Variants in TMX4 observed in about 807,000 individuals in gnomAD.
The protein encoded by TMX4 is thioredoxin-related transmembrane protein 4.
Under a neutral mutation model 33.3 loss-of-function variants are expected in TMX4, and 23 were observed. The observed-to-expected ratio is 0.69, with a 90% CI of 0.50 to 0.98. The LOEUF (loss-of-function observed/expected upper bound fraction) is 0.98, where lower values mean the gene tolerates loss of function less well. TMX4 is among the 50% of genes least tolerant of loss of function. The pLI, the probability that TMX4 is intolerant of heterozygous loss-of-function variation, is 0.00. For missense variants in TMX4, 399 were observed against 448.9 expected, an observed-to-expected ratio of 0.89 and a Z score of 1.01; for synonymous variants, 164 against 161.5, an observed-to-expected ratio of 1.02 and a Z score of -0.12.
At position 7,980,855 on chromosome 20, in the gene TMX4, A is replaced by G. The variant is rs1408430764; in HGVS notation, c.*1396T>C. 2.6e-5 allele frequency: 4 copies of G among 152,222 alleles called. No individual in the cohort carries two copies. Among genetic ancestry groups the G allele is most frequent in the African/African-American group, 9.6e-5 (4 of 41,464 alleles). 9.4% of individuals were successfully genotyped at this position (152,222 alleles called of 1,614,324 possible). A position where few individuals can be genotyped will look rare whatever the true frequency, so the allele number is the denominator to read the frequency against. On this transcript the variant is annotated 3_prime_UTR_variant, in exon 8 of 8. Coordinates refer to ENST00000246024, the MANE Select transcript of TMX4 (RefSeq NM_021156.4). ...ATTAATACAAGGAAAGGGTTATCTAAACAGCCAGATAGAAATATACTGCAC... is the reference window on the plus strand; with the variant it reads ...ATTAATACAAGGAAAGGGTTATCTAGACAGCCAGATAGAAATATACTGCAC...
chr20:7,994,964 C>T (rs1393476887), intron 5 of TMX4, among the ~76,000 whole-genome samples: 1 of 149,516 alleles, frequency 6.7e-6, no homozygotes, highest in Non-Finnish European at 1.5e-5. Context: ...AGACAAATGC[C>T]AAAAAAAGTT....
chr20:8,009,029 A>G (rs747234302), intron 2 of TMX4, among the ~76,000 whole-genome samples: 3 of 152,132 alleles, frequency 2.0e-5, no homozygotes, highest in African/African-American at 7.2e-5. Flanking sequence ...ATTATAGAAA[A>G]TGAATGTCTA....
chr20:7,982,349 C>A lies in TMX4; in HGVS notation c.952G>T (p.Glu318Ter). The stretch of plus-strand genomic sequence containing the variant: ...CAGGGTTGCTCAGAGATGCCTTCTT[C>A]AGCCTCCTCAGGCTCTACTTCCTCC... ...TREEVEPEEA[E>*]EGISEQPCPA... The change falls in exon 8 of 8, where the codon GAA becomes TAA. Residue 318 changes from glutamate (E) to a stop codon, truncating the protein, a stop_gained. Coordinates refer to ENST00000246024, the MANE Select transcript of TMX4 (RefSeq NM_021156.4). LOFTEE classifies it low-confidence loss of function (END_TRUNC). 6.2e-7 allele frequency: 1 copy of A among 1,614,138 alleles called. No individual in the cohort carries two copies. Among genetic ancestry groups the A allele is most frequent in the Non-Finnish European group, 8.5e-7 (1 of 1,180,034 alleles).
Position 7,982,494 on chromosome 20 carries a change from ATCT to A in TMX4, c.804_806del (p.Glu268del), listed in dbSNP as rs1406104408. ...CCTCTGCTTCATCCTCATCGCCAAG[ATCT>A]TCTTTCTCTTCTTCATCATCTACAA... On this transcript the variant is annotated inframe_deletion, in exon 8 of 8. Coordinates refer to ENST00000246024, the MANE Select transcript of TMX4 (RefSeq NM_021156.4). 6.2e-7 allele frequency: 1 copy of A among 1,613,520 alleles called. No homozygotes were observed. The highest frequency in any genetic ancestry group is 8.5e-7 in the Non-Finnish European group (1 of 1,179,844).
At chr20:8,010,343 G>T in intron 1 of TMX4, 28 bp from the exon 2 acceptor site, 12 of 1,423,812 alleles carry the variant, frequency 8.4e-6, no homozygotes, top group South Asian at 2.6e-5. Flanking sequence ...GAATTATATT[G>T]ATAAATATAC....
At chr20:8,002,285 C>T (rs1273078375) in intron 2 of TMX4, among the ~76,000 whole-genome samples, 2 of 152,110 alleles carry the variant, frequency 1.3e-5, no homozygotes, top group African/African-American at 2.4e-5. Context: ...ACTCAAGACA[C>T]ATGGATGAAT....
At chr20:7,993,781 G>A (rs920159338) in intron 5 of TMX4, among the ~76,000 whole-genome samples, 1 of 149,292 alleles carries the variant, frequency 6.7e-6, no homozygotes, top group Non-Finnish European at 1.5e-5. Flanking sequence ...TTAAGGTAAT[G>A]CACACACACA....
chr20:8,004,571 G>C (rs183953626), intron 2 of TMX4, among the ~76,000 whole-genome samples: 107 of 152,238 alleles, frequency 7.0e-4, no homozygotes, highest in Non-Finnish European at 1.2e-3. Flanking sequence ...GGCACAAACA[G>C]AGAATGCAGG....
At chr20:7,994,047 C>G (rs2050666090) in intron 5 of TMX4, among the ~76,000 whole-genome samples, 1 of 151,784 alleles carries the variant, frequency 6.6e-6, no homozygotes, top group Admixed American at 6.6e-5. Flanking sequence ...AAAGAAAACA[C>G]ATGGTATTAA....
chr20:8,017,000 T>A (rs2050778345), intron 1 of TMX4, among the ~76,000 whole-genome samples: 2 of 151,472 alleles, frequency 1.3e-5, no homozygotes, highest in Non-Finnish European at 2.9e-5. Flanking sequence ...AAAAAAAAAA[T>A]CTGGTAACGT....
chr20:8,018,349 G>GGAGA (rs1158887842), intron 1 of TMX4, among the ~76,000 whole-genome samples: 1 of 86,342 alleles, frequency 1.2e-5, no homozygotes, highest in African/African-American at 4.8e-5. Context: ...GAGAGAGGAG[G>GGAGA]GAGAGAGAGA....
chr20:7,995,698 C>A (rs1438958533), intron 5 of TMX4, among the ~76,000 whole-genome samples: 1 of 151,996 alleles, frequency 6.6e-6, no homozygotes, highest in African/African-American at 2.4e-5. Flanking sequence ...CAGTCTTAGA[C>A]AATCTTTCCT....
intron 5 of TMX4, among the ~76,000 whole-genome samples, chr20:7,994,951 G>T (rs1185570467): frequency 6.6e-6 from 1 of 152,070 alleles, no homozygotes; most frequent in African/African-American, 2.4e-5. Context: ...ATTGTTTATT[G>T]TGAGACAAAT....
chr20:8,001,418 T>G (rs2050706926), intron 3 of TMX4, 78 bp downstream of exon 3: 1 of 1,425,738 alleles, frequency 7.0e-7, no homozygotes, highest in African/African-American at 1.4e-5. Flanking sequence ...GTGGCAGTCA[T>G]GGAAGACAAC....
Position 8,019,726 on chromosome 20 carries a change from C to T in TMX4, c.-113G>A, listed in dbSNP as rs547920321. 5 of 914,778 alleles carry T rather than the reference C, an allele frequency of 5.5e-6. No individual in the cohort carries two copies. In the South Asian group the frequency reaches 1.9e-4, roughly 34 times the overall value. The allele number at this position is 914,778 out of a possible 1,614,324, so 56.7% of individuals were successfully genotyped here. ...AGGAAGCGGGAGACGCAAGGGCCAC[C>T]CCGCCTACGCCTAGCGGCGCAGACT... On this transcript the variant is annotated 5_prime_UTR_variant, in exon 1 of 8. Transcript: ENST00000246024.
chr20:7,988,806 C>T (rs1362297130), intron 5 of TMX4, among the ~76,000 whole-genome samples: 1 of 152,062 alleles, frequency 6.6e-6, no homozygotes, highest in East Asian at 1.9e-4. Context: ...GGGCAGATCA[C>T]GAAGTCAGGA....
intron 1 of TMX4, among the ~76,000 whole-genome samples, chr20:8,015,418 A>G (rs1372821761): frequency 1.3e-5 from 2 of 152,196 alleles, no homozygotes; most frequent in Admixed American, 1.3e-4. Context: ...CCACACACCA[A>G]AGAACTGTCC....
Position 8,011,011 on chromosome 20 carries a change from G to A in TMX4, c.177-696C>T, listed in dbSNP as rs143588582. On this transcript the variant is annotated intron_variant, in intron 1 of 7. Transcript: ENST00000246024. The stretch of plus-strand genomic sequence containing the variant: ...TTTGGTGCCTCCTCTCCTTGTGGAC[G>A]GTACAATCCAGAAATGAACAGAGAT... Among the ~76,000 whole-genome samples, 776 of 152,062 alleles carry A rather than the reference G, an allele frequency of 5.1e-3. 12 individuals carry two copies. Among genetic ancestry groups the A allele is most frequent in the African/African-American group, 0.017 (724 of 41,496 alleles).
chr20:8,005,968 C>G (rs1174292270), intron 2 of TMX4, among the ~76,000 whole-genome samples: 2 of 152,010 alleles, frequency 1.3e-5, no homozygotes, highest in Admixed American at 1.3e-4. Flanking sequence ...TCTTCTGGTA[C>G]ACCAAGGCAA....
Sources: gnomAD v4.1 joint callset for allele counts (sites outside exome capture counted in the v4.1 genomes callset) on GRCh38, gnomAD v4.1.1 for gene constraint, MANE v1.5 for transcripts, NCBI Gene and HGNC (gene_info 2026-07-23, HGNC 2026-07-21) for gene names.